The following SLC14A2 variants were observed in gnomAD, a reference collection of about 807,000 sequenced individuals.
The protein encoded by SLC14A2 is urea transporter 2.
A neutral mutation model predicts 104.6 loss-of-function variants in SLC14A2; 91 were observed. That is an observed-to-expected ratio of 0.87 (90% CI 0.73 to 1.04). The LOEUF (loss-of-function observed/expected upper bound fraction) is 1.04. SLC14A2 is among the 50% of genes least tolerant of loss of function. The pLI is 0.00. For missense variants in SLC14A2, 1,189 were observed against 1,156.0 expected, an observed-to-expected ratio of 1.03 and a Z score of -0.41; for synonymous variants, 476 against 466.4, an observed-to-expected ratio of 1.02 and a Z score of -0.27.
intron 1 of SLC14A2, among the ~76,000 whole-genome samples, chr18:45,474,746 T>C (rs184619198): frequency 1.3e-5 from 2 of 152,150 alleles, no homozygotes; most frequent in East Asian, 3.8e-4. Flanking sequence ...TTTTTTATTG[T>C]GTCTATTTGA....
At chr18:45,478,725 A>G (rs1460830135) in intron 1 of SLC14A2, among the ~76,000 whole-genome samples, 2 of 152,070 alleles carry the variant, frequency 1.3e-5, no homozygotes, top group African/African-American at 4.8e-5. Flanking sequence ...ACAACACACA[A>G]GGTTGTGTGT....
At chr18:45,655,867 T>C (rs1441128677) in intron 10 of SLC14A2, among the ~76,000 whole-genome samples, 5 of 152,174 alleles carry the variant, frequency 3.3e-5, no homozygotes, top group Non-Finnish European at 7.4e-5. Flanking sequence ...ATTGATATCA[T>C]TTGAGAAGGC....
At chr18:45,348,231 G>A (rs939466117) in intron 1 of SLC14A2, among the ~76,000 whole-genome samples, 2 of 152,220 alleles carry the variant, frequency 1.3e-5, no homozygotes, top group African/African-American at 4.8e-5. Context: ...TCTGGTTTGT[G>A]AGATGTTTAT....
At chr18:45,334,611 A>T (rs2085320787) in intron 1 of SLC14A2, among the ~76,000 whole-genome samples, 1 of 152,160 alleles carries the variant, frequency 6.6e-6, no homozygotes, top group Non-Finnish European at 1.5e-5. Flanking sequence ...TTGAATGTAC[A>T]TTCTAGATGA....
At chr18:45,475,662 T>TATATATATTTAGG (rs1568228045) in intron 1 of SLC14A2, among the ~76,000 whole-genome samples, 86 of 115,100 alleles carry the variant, frequency 7.5e-4, no homozygotes, top group Non-Finnish European at 2.5e-4. Context: ...TATATATATA[T>TATATATATTTAGG]ATATATATAT....
At chr18:45,178,191 A>C in the SLC14A2 span, among the ~76,000 whole-genome samples, 2 of 152,218 alleles carry the variant, frequency 1.3e-5, no homozygotes, top group Admixed American at 6.5e-5. Flanking sequence ...AAGCAATAGT[A>C]AATTTGCATA....
At chr18:45,643,558 G>C (rs534933421) in intron 9 of SLC14A2, among the ~76,000 whole-genome samples, 1 of 152,208 alleles carries the variant, frequency 6.6e-6, no homozygotes, top group South Asian at 2.1e-4. Context: ...TGCAAGACAG[G>C]GTCTCGCACT....
chr18:45,337,241 T>C (rs1485555736), intron 1 of SLC14A2, among the ~76,000 whole-genome samples: 2 of 152,144 alleles, frequency 1.3e-5, no homozygotes, highest in African/African-American at 4.8e-5. Context: ...GAGACCAACA[T>C]GCAAAGAGGC....
intron 1 of SLC14A2, among the ~76,000 whole-genome samples, chr18:45,256,523 A>G (rs1261418646): frequency 6.6e-6 from 1 of 152,210 alleles, no homozygotes; most frequent in Non-Finnish European, 1.5e-5. Context: ...CCAATGCCTC[A>G]TTCCCTCTTA....
chr18:45,252,495 C>T (rs1441260204), intron 1 of SLC14A2, among the ~76,000 whole-genome samples: 4 of 152,158 alleles, frequency 2.6e-5, no homozygotes, highest in African/African-American at 4.8e-5. Context: ...TAATCCAGAA[C>T]ATAAACAGAT....
At chr18:45,666,602 TA>T (rs5824604) in intron 12 of SLC14A2, among the ~76,000 whole-genome samples, 119 of 145,996 alleles carry the variant, frequency 8.2e-4, no homozygotes, top group East Asian at 2.0e-3. Flanking sequence ...GTATTAATGT[TA>T]AAAAAAAAAA....
At chr18:45,222,943 T>C (rs2084077500) in intron 1 of SLC14A2, among the ~76,000 whole-genome samples, 1 of 152,076 alleles carries the variant, frequency 6.6e-6, no homozygotes, top group South Asian at 2.1e-4. Context: ...TCCCACTCAG[T>C]CCTGTGCAGG....
chr18:45,681,685 G>A (rs754353390), intron 19 of SLC14A2, among the ~76,000 whole-genome samples: 8 of 152,120 alleles, frequency 5.3e-5, no homozygotes, highest in Non-Finnish European at 8.8e-5. Context: ...TCTCTCTGAC[G>A]GGTTACTTCT....
intron 1 of SLC14A2, among the ~76,000 whole-genome samples, chr18:45,225,267 G>C (rs1450157316): frequency 6.6e-6 from 1 of 152,048 alleles, no homozygotes; most frequent in East Asian, 1.9e-4. Context: ...CCCATTTCTT[G>C]TTTTTGTCAG....
chr18:45,203,030 C>T, the SLC14A2 span, among the ~76,000 whole-genome samples: 1 of 152,200 alleles, frequency 6.6e-6, no homozygotes, highest in South Asian at 2.1e-4. Flanking sequence ...GGTTGTCTGG[C>T]TACTTAAGAA....
At chr18:45,511,489 C>T (rs1051474070) in intron 2 of SLC14A2, among the ~76,000 whole-genome samples, 1 of 152,120 alleles carries the variant, frequency 6.6e-6, no homozygotes, top group African/African-American at 2.4e-5. Context: ...TTATTATATC[C>T]CTTCCCTGGG....
At chr18:45,511,631 C>T (rs1035776764) in intron 2 of SLC14A2, among the ~76,000 whole-genome samples, 6 of 152,136 alleles carry the variant, frequency 3.9e-5, no homozygotes, top group South Asian at 4.1e-4. Context: ...GTGCCATAAC[C>T]AGGAAAAGCT....
intron 1 of SLC14A2, among the ~76,000 whole-genome samples, chr18:45,431,892 C>G (rs1442253048): frequency 6.6e-6 from 1 of 152,146 alleles, no homozygotes; most frequent in East Asian, 1.9e-4. Flanking sequence ...ACAAACTTCC[C>G]TGATTAGAAC....
chr18:45,204,744 G>A, the SLC14A2 span, among the ~76,000 whole-genome samples: 1 of 151,308 alleles, frequency 6.6e-6, no homozygotes, highest in Non-Finnish European at 1.5e-5. Flanking sequence ...ATATCAGTGA[G>A]CCAAATTCAA....
Sources: gnomAD v4.1 joint callset for allele counts (sites outside exome capture counted in the v4.1 genomes callset) on GRCh38, gnomAD v4.1.1 for gene constraint, MANE v1.5 for transcripts, NCBI Gene and HGNC (gene_info 2026-07-23, HGNC 2026-07-21) for gene names.